Variants in NEMP2 observed in about 807,000 individuals in gnomAD.
NEMP2 encodes nuclear envelope integral membrane protein 2.
Under a neutral mutation model 54.2 loss-of-function variants are expected in NEMP2, and 53 were observed. The ratio of observed to expected loss-of-function variants is 0.98; its 90% CI spans 0.78 to 1.23. NEMP2 has a LOEUF of 1.23. NEMP2 is among the 50% of genes most tolerant of loss of function. The pLI is 0.00. For missense variants in NEMP2, 455 were observed against 511.3 expected (o/e 0.89, Z 1.06); for synonymous variants, 197 against 190.3 (o/e 1.04, Z -0.29).
chr2:190,560,181 A>G, the NEMP2 span, among the ~76,000 whole-genome samples: 1 of 152,192 alleles, frequency 6.6e-6, no homozygotes, highest in Admixed American at 6.5e-5. This position sits in a 1 kb window ranked among gnomAD's most constrained non-coding sequence, Gnocchi z 5.4. Flanking sequence ...GCCTGGAAAG[A>G]GGACTGATTT....
the NEMP2 span, chr2:190,607,992 G>A: frequency 1.3e-5 from 2 of 152,146 alleles, no homozygotes; most frequent in Non-Finnish European, 2.9e-5. This position sits in a 1 kb window ranked among gnomAD's most constrained non-coding sequence, Gnocchi z 5.2. Flanking sequence ...GTAAACTGCA[G>A]TCCAAAAATA....
the NEMP2 span, among the ~76,000 whole-genome samples, chr2:190,579,991 T>A: frequency 1.3e-5 from 2 of 152,192 alleles, no homozygotes; most frequent in Non-Finnish European, 2.9e-5. Flanking sequence ...CAAAGGCTGT[T>A]AAGACTTCTC....
chr2:190,516,091 ATGAAC>A (rs1690546006), intron 6 of NEMP2, among the ~76,000 whole-genome samples, 174 bp downstream of exon 6: 1 of 152,232 alleles, frequency 6.6e-6, no homozygotes, highest in Non-Finnish European at 1.5e-5. Context: ...TGAGATCTAA[ATGAAC>A]TGAAATCAAC....
At chr2:190,646,142 G>A in the NEMP2 span, among the ~76,000 whole-genome samples, 5 of 152,208 alleles carry the variant, frequency 3.3e-5, no homozygotes, top group Admixed American at 6.5e-5. Flanking sequence ...TATCCAAAGT[G>A]GTCTGAATGG....
the NEMP2 span, among the ~76,000 whole-genome samples, chr2:190,431,440 C>T: frequency 5.3e-5 from 8 of 152,252 alleles, no homozygotes; most frequent in African/African-American, 7.2e-5. The surrounding 1 kb of genome is among the most constrained non-coding windows in gnomAD (Gnocchi z 4.4). Context: ...AACGAGACTC[C>T]GTCTGCAATC....
the NEMP2 span, among the ~76,000 whole-genome samples, chr2:190,621,233 A>G: frequency 6.6e-6 from 1 of 152,266 alleles, no homozygotes; most frequent in Non-Finnish European, 1.5e-5. Flanking sequence ...TAGATTGTAT[A>G]TAGCCTACTA....
At chr2:190,501,063 C>G (rs1690000617), downstream of NEMP2, 1 of 152,160 alleles carries the variant, frequency 6.6e-6, no homozygotes, top group African/African-American at 2.4e-5. Flanking sequence ...TATTTACTAT[C>G]TTATAGTAAT....
the NEMP2 span, among the ~76,000 whole-genome samples, chr2:190,644,597 T>C: frequency 6.6e-6 from 1 of 152,174 alleles, no homozygotes; most frequent in Non-Finnish European, 1.5e-5. This position sits in a 1 kb window ranked among gnomAD's most constrained non-coding sequence, Gnocchi z 4.4. Flanking sequence ...CGTGGGAACG[T>C]GGATGGAGCT....
the NEMP2 span, among the ~76,000 whole-genome samples, chr2:190,455,535 C>G: frequency 6.6e-6 from 1 of 152,136 alleles, no homozygotes; most frequent in Non-Finnish European, 1.5e-5. Context: ...ACGACCCTGG[C>G]AACTTGGTGA....
the NEMP2 span, among the ~76,000 whole-genome samples, chr2:190,584,373 C>T: frequency 6.6e-5 from 10 of 152,182 alleles, no homozygotes; most frequent in Non-Finnish European, 1.5e-4. This position sits in a 1 kb window ranked among gnomAD's most constrained non-coding sequence, Gnocchi z 4.2. Flanking sequence ...GGAACCAGGT[C>T]ATGGTCAAAT....
chr2:190,459,325 A>C, the NEMP2 span, among the ~76,000 whole-genome samples: 1 of 152,200 alleles, frequency 6.6e-6, no homozygotes, highest in African/African-American at 2.4e-5. This position sits in a 1 kb window ranked among gnomAD's most constrained non-coding sequence, Gnocchi z 5.3. Flanking sequence ...AGCTTCGTCA[A>C]ATTTAGCTTA....
chr2:190,613,433 T>C, the NEMP2 span, among the ~76,000 whole-genome samples: 16 of 152,176 alleles, frequency 1.1e-4, no homozygotes, highest in Non-Finnish European at 2.2e-4. Flanking sequence ...GCAAAGATCA[T>C]TCTGTTTTGG....
At chr2:190,424,625 C>T in the NEMP2 span, among the ~76,000 whole-genome samples, 3 of 152,160 alleles carry the variant, frequency 2.0e-5, no homozygotes, top group African/African-American at 7.2e-5. This position sits in a 1 kb window ranked among gnomAD's most constrained non-coding sequence, Gnocchi z 5.9. Context: ...TGAGCCACTG[C>T]GCCTGGCCGA....
Position 190,525,127 on chromosome 2 carries a change from T to C in NEMP2, c.213+136A>G, listed in dbSNP as rs74975456. ...CCCATTGAACCACTGTGTGTGATCC[T>C]CAAGTCAGCTTTCATAGTGATACAC... On this transcript the variant is annotated intron_variant, in intron 2 of 8. Transcript: ENST00000409150. This position sits in a 1 kb window ranked among gnomAD's most constrained non-coding sequence, Gnocchi z 5.0. 91,497 of 551,436 alleles carry C rather than the reference T, an allele frequency of 0.17. 8,322 individuals are homozygous for C. Among genetic ancestry groups the C allele is most frequent in the Middle Eastern group, 0.25 (591 of 2,320 alleles). The allele number at this position is 551,436 out of a possible 1,614,324, so 34.2% of individuals were successfully genotyped here. A position where few individuals can be genotyped will look rare whatever the true frequency, so the allele number is the denominator to read the frequency against.
At chr2:190,571,068 A>G in the NEMP2 span, among the ~76,000 whole-genome samples, 1 of 152,178 alleles carries the variant, frequency 6.6e-6, no homozygotes, top group Non-Finnish European at 1.5e-5. Context: ...TCCATCCATT[A>G]GCTGTGTGAC....
chr2:190,643,763 T>TA, the NEMP2 span, among the ~76,000 whole-genome samples: 1 of 152,012 alleles, frequency 6.6e-6, no homozygotes, highest in Non-Finnish European at 1.5e-5. Flanking sequence ...CCTGTTTCTA[T>TA]AAAAAATAGA....
chr2:190,548,439 G>A, the NEMP2 span, among the ~76,000 whole-genome samples: 1 of 152,116 alleles, frequency 6.6e-6, no homozygotes, highest in Non-Finnish European at 1.5e-5. Context: ...CCACTTTAGG[G>A]CAAACAGCTC....
In NEMP2 at chr2:190,529,502, C is replaced by T. The variant is rs899271476; in HGVS notation, c.98-4124G>A. On this transcript the variant is annotated intron_variant, in intron 1 of 8. Coordinates refer to ENST00000409150, the MANE Select transcript of NEMP2 (RefSeq NM_001142645.2). This position sits in a 1 kb window ranked among gnomAD's most constrained non-coding sequence, Gnocchi z 4.7. Reference sequence around the variant, plus strand: ...TCAAACACTCCCTTCTCAGAAAGGCCTTCTTTGACCCCACTGTCTAAACAA... The same window carrying T: ...TCAAACACTCCCTTCTCAGAAAGGCTTTCTTTGACCCCACTGTCTAAACAA... 1.3e-5 allele frequency among the ~76,000 whole-genome samples: 2 copies of T among 152,176 alleles called. No individual in the cohort carries two copies. The highest frequency in any genetic ancestry group is 4.8e-5 in the African/African-American group (2 of 41,444).
chr2:190,548,296 CTT>C, the NEMP2 span, among the ~76,000 whole-genome samples: 1 of 152,010 alleles, frequency 6.6e-6, no homozygotes, highest in Admixed American at 6.5e-5. Context: ...ATTTAAGCCT[CTT>C]AACTTATTTC....
Sources: allele counts gnomAD v4.1 joint callset (sites outside exome capture counted in the v4.1 genomes callset), GRCh38; gene constraint gnomAD v4.1.1; non-coding constraint Gnocchi (gnomAD v3.1); transcripts MANE v1.5; gene names NCBI Gene and HGNC (gene_info 2026-07-23, HGNC 2026-07-21).